PPP1R13B: variants seen among roughly 807,000 people sequenced by gnomAD.
PPP1R13B encodes the protein apoptosis-stimulating of p53 protein 1.
Under a neutral mutation model 119.8 loss-of-function variants are expected in PPP1R13B, and 44 were observed. The observed-to-expected ratio is 0.37, with a 90% CI of 0.29 to 0.47. PPP1R13B has a LOEUF of 0.47. Ranked by LOEUF, PPP1R13B falls within the 20% of genes least tolerant of loss-of-function variation. The pLI, the probability that PPP1R13B is intolerant of heterozygous loss-of-function variation, is 0.99. For synonymous variants in PPP1R13B, 542 were observed against 561.5 expected, an observed-to-expected ratio of 0.97 and a Z score of 0.49; for missense variants, 1,227 against 1,413.5, an observed-to-expected ratio of 0.87 and a Z score of 2.12.
In PPP1R13B at chr14:103,737,689, C is replaced by G; in HGVS notation, c.3031+5G>C. 6.2e-7 allele frequency: 1 copy of G among 1,613,652 alleles called. No homozygotes were observed. On this transcript the variant is annotated splice_donor_5th_base_variant and intron_variant, in intron 15 of 16. Coordinates refer to ENST00000202556, the MANE Select transcript of PPP1R13B (RefSeq NM_015316.3). ...CCACTGTGGCCCCAGGCCTCCCCTGCGTACCATATAGAAACTGGGAGCACT... is the reference window on the plus strand; with the variant it reads ...CCACTGTGGCCCCAGGCCTCCCCTGGGTACCATATAGAAACTGGGAGCACT...
chr14:103,733,452 T>C lies in PPP1R13B; in HGVS notation c.*1702A>G, dbSNP rs1377555507. On this transcript the variant is annotated 3_prime_UTR_variant, in exon 17 of 17. Coordinates refer to ENST00000202556, the MANE Select transcript of PPP1R13B (RefSeq NM_015316.3). The stretch of plus-strand genomic sequence containing the variant: ...GAGCCTGTTCGCCTCTAATAGCCAG[T>C]TTACAGCACTTGCCTTAGCCTGTTT... 4.8e-5 allele frequency: 8 copies of C among 168,384 alleles called. No homozygotes were observed. Among genetic ancestry groups the C allele is most frequent in the Non-Finnish European group, 1.3e-5 (1 of 77,912 alleles). 10.4% of individuals were successfully genotyped at this position (168,384 alleles called of 1,614,324 possible).
intron 4 of PPP1R13B, among the ~76,000 whole-genome samples, chr14:103,774,737 T>C (rs543230315): frequency 6.6e-6 from 1 of 152,354 alleles, no homozygotes; most frequent in South Asian, 2.1e-4. Flanking sequence ...CATTATTCTA[T>C]AACCAAGGTA....
At chr14:103,812,639 G>A (rs531171546) in intron 1 of PPP1R13B, among the ~76,000 whole-genome samples, 16 of 151,912 alleles carry the variant, frequency 1.1e-4, no homozygotes, top group South Asian at 4.2e-4. Flanking sequence ...GGCTGGTCTC[G>A]AACTCCTGAC....
In PPP1R13B at chr14:103,796,175, C is replaced by A. The variant is rs529236066; in HGVS notation, c.157+1196G>T. Among the ~76,000 whole-genome samples, 5 of 152,004 alleles carry A rather than the reference C, an allele frequency of 3.3e-5. No homozygotes were observed. The East Asian group carries it at 9.7e-4, about 29-fold the overall frequency. On this transcript the variant is annotated intron_variant, in intron 2 of 16. Transcript: ENST00000202556. ...GTGCATGCCTGTAGTCCCAGCTACA[C>A]GAGAGGCTGAGGTGGGAGCACTGCT...
intron 3 of PPP1R13B, among the ~76,000 whole-genome samples, chr14:103,782,085 AC>A (rs1187295689): frequency 2.0e-5 from 3 of 151,716 alleles, no homozygotes; most frequent in African/African-American, 7.3e-5. Context: ...ACAATCAACA[AC>A]CCTCCCTCCT....
rs577057618 is a variant in PPP1R13B, at chr14:103,746,285, G to A, written c.1150+88C>T. The A allele has an allele frequency of 1.2e-4, 41 of 348,378 alleles. 1 individual carries two copies. The highest frequency in any genetic ancestry group is 1.1e-3 in the South Asian group (33 of 31,090). 21.6% of individuals were successfully genotyped at this position (348,378 alleles called of 1,614,324 possible). A position where few individuals can be genotyped will look rare whatever the true frequency, so the allele number is the denominator to read the frequency against. On this transcript the variant is annotated intron_variant, in intron 9 of 16. Transcript: ENST00000202556. ...TGACGATGTGTGGGGCAGAGCCTCA[G>A]GAGCCTGCCCCACCCCCCGCCCCTC...
intron 8 of PPP1R13B, 48 bp downstream of exon 8, chr14:103,749,746 G>C (rs759871620): frequency 6.3e-7 from 1 of 1,575,298 alleles, no homozygotes; most frequent in Non-Finnish European, 8.7e-7. Context: ...GGCAATGCTT[G>C]GATAAACTAT....
intron 1 of PPP1R13B, among the ~76,000 whole-genome samples, chr14:103,842,137 G>C (rs773310921): frequency 6.6e-6 from 1 of 152,056 alleles, no homozygotes; most frequent in Non-Finnish European, 1.5e-5. Flanking sequence ...TTTAATGAAA[G>C]CTAAATACTG....
chr14:103,840,110 C>T (rs1872770082), intron 1 of PPP1R13B: 1 of 152,224 alleles, frequency 6.6e-6, no homozygotes, highest in Non-Finnish European at 1.5e-5. Flanking sequence ...ATATAGCTAT[C>T]TCTGCAGTGA....
At chr14:103,821,315 T>G (rs971535752) in intron 1 of PPP1R13B, among the ~76,000 whole-genome samples, 1 of 152,190 alleles carries the variant, frequency 6.6e-6, no homozygotes, top group Admixed American at 6.6e-5. Flanking sequence ...CTCTTCCTCT[T>G]TTTAATTTCA....
chr14:103,786,166 A>G (rs1289307360), intron 2 of PPP1R13B, among the ~76,000 whole-genome samples: 1 of 152,036 alleles, frequency 6.6e-6, no homozygotes, highest in African/African-American at 2.4e-5. Context: ...CAGCCTCCCA[A>G]GTTAGCTGAA....
Position 103,734,344 on chromosome 14 carries a change from T to C in PPP1R13B, c.*810A>G. The C allele has an allele frequency of 2.7e-6, 1 of 368,330 alleles. No individual in the cohort carries two copies. Among genetic ancestry groups the C allele is most frequent in the Non-Finnish European group, 5.4e-6 (1 of 183,604 alleles). The allele number at this position is 368,330 out of a possible 1,614,324, so 22.8% of individuals were successfully genotyped here. A position where few individuals can be genotyped will look rare whatever the true frequency, so the allele number is the denominator to read the frequency against. On this transcript the variant is annotated 3_prime_UTR_variant, in exon 17 of 17. Transcript: ENST00000202556. ...CCCCCAGCCCCAACCCCAACCACCC[T>C]CCGCTGCCACGGCCTCCAGCACCTG...
At chr14:103,793,051 G>A (rs981283314) in intron 2 of PPP1R13B, among the ~76,000 whole-genome samples, 2 of 142,600 alleles carry the variant, frequency 1.4e-5, no homozygotes, top group African/African-American at 2.6e-5. Flanking sequence ...CAGCTTGGGC[G>A]ACAGGGCGAG....
intron 4 of PPP1R13B, chr14:103,759,188 G>A (rs939555567): frequency 1.3e-5 from 2 of 152,150 alleles, no homozygotes; most frequent in African/African-American, 4.8e-5. Flanking sequence ...TTGAACTCCT[G>A]ACCTCGTGAT....
intron 5 of PPP1R13B, among the ~76,000 whole-genome samples, chr14:103,756,540 G>A (rs1335289830): frequency 6.7e-6 from 1 of 149,616 alleles, no homozygotes; most frequent in Non-Finnish European, 1.5e-5. Flanking sequence ...TATATAATAA[G>A]CATTATCTAT....
chr14:103,736,563 A>G (rs2084119182), intron 15 of PPP1R13B: 2 of 282,032 alleles, frequency 7.1e-6, no homozygotes, highest in Admixed American at 4.6e-5. Flanking sequence ...TTGGATGGTA[A>G]TGAACAAACT....
intron 4 of PPP1R13B, among the ~76,000 whole-genome samples, chr14:103,766,238 G>A (rs1168479024): frequency 6.6e-6 from 1 of 152,058 alleles, no homozygotes; most frequent in Non-Finnish European, 1.5e-5. Flanking sequence ...TTGATCTCCT[G>A]ACCTCATGAT....
At chr14:103,801,098 C>T (rs969836920) in intron 1 of PPP1R13B, among the ~76,000 whole-genome samples, 1 of 152,170 alleles carries the variant, frequency 6.6e-6, no homozygotes, top group Non-Finnish European at 1.5e-5. Context: ...GATCTACCCA[C>T]CTCGGCCTCC....
chr14:103,753,360 G>T (rs1022635870), intron 6 of PPP1R13B, among the ~76,000 whole-genome samples, 164 bp from the exon 7 acceptor site: 1 of 151,862 alleles, frequency 6.6e-6, no homozygotes, highest in Admixed American at 6.6e-5. Context: ...TGGGACACAT[G>T]TATCTGATTA....
Sources: gnomAD v4.1 joint callset for allele counts (sites outside exome capture counted in the v4.1 genomes callset) on GRCh38, gnomAD v4.1.1 for gene constraint, MANE v1.5 for transcripts, NCBI Gene and HGNC (gene_info 2026-07-23, HGNC 2026-07-21) for gene names.